Variants in NRG2 observed in about 807,000 individuals in gnomAD.
NRG2 encodes neuregulin 2, also known as pro-neuregulin-2, membrane-bound isoform.
In NRG2, 27 loss-of-function variants were observed where a neutral mutation model predicts 73.9. The ratio of observed to expected loss-of-function variants is 0.37; its 90% confidence interval spans 0.27 to 0.50. NRG2 has a LOEUF of 0.50. Among genes scored for constraint, NRG2 ranks in the 20% least tolerant of loss-of-function variants. NRG2 has a pLI of 0.96. For synonymous variants in NRG2, 532 were observed against 541.0 expected (o/e 0.98, Z 0.23); for missense variants, 1,126 against 1,210.1 (o/e 0.93, Z 1.03).
At chr5:139,976,932 T>C (rs1215320914) in intron 1 of NRG2, among the ~76,000 whole-genome samples, 1 of 152,216 alleles carries the variant, frequency 6.6e-6, no homozygotes, top group Non-Finnish European at 1.5e-5. Context: ...CTCTGTGATC[T>C]GCCAAGTTAC....
intron 1 of NRG2, among the ~76,000 whole-genome samples, chr5:139,957,959 G>T (rs1280388181): frequency 1.3e-5 from 2 of 151,964 alleles, no homozygotes; most frequent in Admixed American, 6.6e-5. Context: ...ATTCTGCAAG[G>T]GCCAGCACTT....
At chr5:140,031,794 G>A (rs1042450083) in intron 1 of NRG2, among the ~76,000 whole-genome samples, 2 of 152,152 alleles carry the variant, frequency 1.3e-5, no homozygotes, top group Admixed American at 6.5e-5. Flanking sequence ...CAGTGGAAGG[G>A]ACTCAGACTT....
intron 1 of NRG2, among the ~76,000 whole-genome samples, chr5:139,902,383 C>G (rs545093382): frequency 6.6e-6 from 1 of 152,298 alleles, no homozygotes; most frequent in East Asian, 1.9e-4. Flanking sequence ...GAGAGAGGTA[C>G]CTCTTCCTGC....
chr5:140,013,084 C>T (rs1759494271), intron 1 of NRG2, among the ~76,000 whole-genome samples: 1 of 152,216 alleles, frequency 6.6e-6, no homozygotes, highest in South Asian at 2.1e-4. Flanking sequence ...CTCCCTCATA[C>T]TCTCAGCTGT....
intron 5 of NRG2, among the ~76,000 whole-genome samples, chr5:139,858,611 T>C (rs1581783667): frequency 6.6e-6 from 1 of 152,180 alleles, no homozygotes; most frequent in Non-Finnish European, 1.5e-5. Flanking sequence ...ACCAGCCTTA[T>C]AGACATTGAC....
At chr5:140,034,052 A>C (rs1389920936) in intron 1 of NRG2, among the ~76,000 whole-genome samples, 1 of 151,122 alleles carries the variant, frequency 6.6e-6, no homozygotes, top group African/African-American at 2.4e-5. Flanking sequence ...TCTGCCTCCC[A>C]AGTTCAAGTG....
intron 1 of NRG2, among the ~76,000 whole-genome samples, chr5:139,917,911 A>T (rs1442261218): frequency 6.6e-6 from 1 of 152,072 alleles, no homozygotes; most frequent in Non-Finnish European, 1.5e-5. Context: ...CTCTACTTTA[A>T]CTATTTTGCT....
chr5:139,983,352 G>A (rs1756948575), intron 1 of NRG2, among the ~76,000 whole-genome samples: 1 of 152,226 alleles, frequency 6.6e-6, no homozygotes, highest in Non-Finnish European at 1.5e-5. Flanking sequence ...TCAGTGCCCT[G>A]CGTCTGAGAG....
At chr5:139,857,154 C>G (rs987262000) in intron 5 of NRG2, among the ~76,000 whole-genome samples, 2 of 152,230 alleles carry the variant, frequency 1.3e-5, no homozygotes, top group Admixed American at 6.5e-5. Context: ...TGGTTCTTCT[C>G]TCTGTCCTAC....
rs1761420953 is a variant in NRG2 at position 139,851,581 on chromosome 5, T to C, written c.1772+23A>G. 1.9e-6 allele frequency: 3 copies of C among 1,607,526 alleles called. No individual in the cohort carries two copies. On this transcript the variant is annotated intron_variant, in intron 9 of 9. Coordinates refer to ENST00000361474, the MANE Select transcript of NRG2 (RefSeq NM_004883.3). The surrounding 1 kb of genome is among the most constrained non-coding windows in gnomAD (Gnocchi z 4.2). ...GCCAGCCCTCTGGCTAAGCGGGGAA[T>C]AGGTCAGGGGGTAGGAACTGACCTC... is the stretch of plus-strand genomic sequence containing the variant.
At chr5:139,962,036 C>T (rs1023791106) in intron 1 of NRG2, among the ~76,000 whole-genome samples, 1 of 152,134 alleles carries the variant, frequency 6.6e-6, no homozygotes, top group African/African-American at 2.4e-5. Context: ...TTTAGATAGC[C>T]GGGTGGCAGG....
At chr5:139,893,562 G>T (rs571281767) in intron 1 of NRG2, among the ~76,000 whole-genome samples, 120 of 152,322 alleles carry the variant, frequency 7.9e-4, no homozygotes, top group African/African-American at 2.8e-3. Context: ...GACGAAAGGG[G>T]CAGGTGGCAA....
In NRG2 at chr5:139,852,353, G is replaced by C. The variant is rs1398811121; in HGVS notation, c.1544+79C>G. ...CAGGGGAGGGTATTGAATAGCTCTG[G>C]ATGTCGGAGTAAGTGGGCACTTTGC... is the stretch of plus-strand genomic sequence containing the variant. On this transcript the variant is annotated intron_variant, in intron 8 of 9. Coordinates refer to ENST00000361474, the MANE Select transcript of NRG2 (RefSeq NM_004883.3). This position sits in a 1 kb window ranked among gnomAD's most constrained non-coding sequence, Gnocchi z 4.4. The C allele has an allele frequency of 6.5e-7, 1 of 1,546,590 alleles. No individual in the cohort carries two copies. Among genetic ancestry groups the C allele is most frequent in the Non-Finnish European group, 8.8e-7 (1 of 1,140,200 alleles).
At chr5:139,867,801 A>AGTGTGTGTGTGT (rs1202470798) in intron 4 of NRG2, among the ~76,000 whole-genome samples, 20 of 79,534 alleles carry the variant, frequency 2.5e-4, no homozygotes, top group South Asian at 4.3e-4. Flanking sequence ...TGTGTGTATG[A>AGTGTGTGTGTGT]GTGTGTGTGT....
At chr5:139,916,430 T>TTAAAG (rs1229390906) in intron 1 of NRG2, among the ~76,000 whole-genome samples, 2 of 152,236 alleles carry the variant, frequency 1.3e-5, no homozygotes, top group Non-Finnish European at 2.9e-5. Flanking sequence ...AATGACCCAT[T>TTAAAG]TAAAGTATAT....
chr5:139,947,444 T>A (rs533657316), intron 1 of NRG2, among the ~76,000 whole-genome samples: 11 of 152,356 alleles, frequency 7.2e-5, no homozygotes, highest in Admixed American at 3.3e-4. Context: ...TAATATTCTA[T>A]TGTGGATATA....
chr5:139,877,382 C>T (rs1315462332), intron 3 of NRG2, among the ~76,000 whole-genome samples: 1 of 152,226 alleles, frequency 6.6e-6, no homozygotes, highest in African/African-American at 2.4e-5. Flanking sequence ...CTGCTGCTCC[C>T]CAATGACCTC....
At chr5:139,913,413 G>A (rs900908300) in intron 1 of NRG2, among the ~76,000 whole-genome samples, 9 of 152,112 alleles carry the variant, frequency 5.9e-5, no homozygotes, top group African/African-American at 2.2e-4. Flanking sequence ...GCATTGTTTT[G>A]GGTTTCCGAC....
chr5:139,995,794 T>C (rs1266053335), intron 1 of NRG2, among the ~76,000 whole-genome samples: 1 of 152,088 alleles, frequency 6.6e-6, no homozygotes, highest in Admixed American at 6.5e-5. Flanking sequence ...AGGGAGGATC[T>C]ACAGAGGCCA....
Sources: gnomAD v4.1 joint callset for allele counts (sites outside exome capture counted in the v4.1 genomes callset) on GRCh38, gnomAD v4.1.1 for gene constraint, Gnocchi (gnomAD v3.1) non-coding constraint, MANE v1.5 for transcripts, NCBI Gene and HGNC (gene_info 2026-07-23, HGNC 2026-07-21) for gene names.